Variants in CACNA1C observed in about 807,000 individuals in gnomAD.
CACNA1C encodes calcium voltage-gated channel subunit alpha1 C.
Under a neutral mutation model 229.0 loss-of-function variants are expected in CACNA1C, and 30 were observed. The observed-to-expected ratio is 0.13, with a 90% CI of 0.10 to 0.18. The LOEUF (loss-of-function observed/expected upper bound fraction) is 0.18, where lower values mean the gene tolerates loss of function less well. CACNA1C is among the 10% of genes least tolerant of loss of function. The pLI is 1.00. For synonymous variants in CACNA1C, 1,114 were observed against 1,132.5 expected (o/e 0.98, Z 0.33); for missense variants, 1,658 against 2,845.0 (o/e 0.58, Z 9.49).
At chr12:2,143,482 T>C (rs564612598) in intron 3 of CACNA1C, among the ~76,000 whole-genome samples, 1 of 151,244 alleles carries the variant, frequency 6.6e-6, no homozygotes, top group East Asian at 1.9e-4. Context: ...TTTATGTACC[T>C]TATCTATGTT....
chr12:2,592,391 C>T (rs913749068), intron 18 of CACNA1C, among the ~76,000 whole-genome samples: 3 of 152,198 alleles, frequency 2.0e-5, no homozygotes, highest in Non-Finnish European at 2.9e-5. Context: ...AAAATGCCCA[C>T]GGCTAGAAAG....
At chr12:2,082,276 G>A (rs1485848234) in intron 1 of CACNA1C, among the ~76,000 whole-genome samples, 8 of 152,100 alleles carry the variant, frequency 5.3e-5, no homozygotes, top group Non-Finnish European at 7.3e-5. Flanking sequence ...CTGAGTAGAC[G>A]AGTCAGACGC....
intron 29 of CACNA1C, chr12:2,614,648 T>G (rs2079551167): frequency 6.6e-6 from 1 of 152,240 alleles, no homozygotes; most frequent in Non-Finnish European, 1.5e-5. Context: ...TGCTGCACTT[T>G]TTATTTCACT....
intron 28 of CACNA1C, among the ~76,000 whole-genome samples, chr12:2,611,569 G>C (rs2077817970): frequency 6.6e-6 from 1 of 152,132 alleles, no homozygotes; most frequent in South Asian, 2.1e-4. Flanking sequence ...TGTCGGTAAG[G>C]TGTGGCGTGT....
At chr12:2,292,340 C>G (rs2093595849) in intron 3 of CACNA1C, among the ~76,000 whole-genome samples, 1 of 152,172 alleles carries the variant, frequency 6.6e-6, no homozygotes, top group Admixed American at 6.5e-5. Context: ...TTCTGACCTC[C>G]AAGGTGAAGG....
chr12:2,533,991 G>A (rs182808717), intron 9 of CACNA1C, among the ~76,000 whole-genome samples: 29 of 152,330 alleles, frequency 1.9e-4, no homozygotes, highest in Non-Finnish European at 2.9e-4. Flanking sequence ...GGCACAAATA[G>A]TAAATGCCTC....
intron 3 of CACNA1C, among the ~76,000 whole-genome samples, chr12:2,192,022 ATACACG>A (rs2097250306): frequency 6.6e-6 from 1 of 150,502 alleles, no homozygotes. Context: ...GTTCACACAT[ATACACG>A]CACTCACACA....
Position 2,692,842 on chromosome 12 carries a change from G to A in CACNA1C, c.*1643G>A, listed in dbSNP as rs757960392. On this transcript the variant is annotated 3_prime_UTR_variant, in exon 47 of 47. Coordinates refer to ENST00000399655, the MANE Select transcript of CACNA1C (RefSeq NM_000719.7). The stretch of plus-strand genomic sequence containing the variant: ...AAACTGAATTGCAATTGTGCCAAGC[G>A]AATATAATGAATTGAATTAAGTTGG... 1.3e-5 allele frequency: 2 copies of A among 152,578 alleles called. No homozygotes were observed. Among genetic ancestry groups the A allele is most frequent in the Non-Finnish European group, 2.9e-5 (2 of 68,030 alleles). 9.5% of individuals were successfully genotyped at this position (152,578 alleles called of 1,614,324 possible).
intron 3 of CACNA1C, among the ~76,000 whole-genome samples, chr12:2,434,134 C>G (rs911808790): frequency 6.6e-6 from 1 of 152,182 alleles, no homozygotes; most frequent in Non-Finnish European, 1.5e-5. Context: ...CTCTGTTCCC[C>G]TCACTTCACA....
rs1247651249 is a variant in CACNA1C at position 2,135,687 on chromosome 12, G to C, written c.477+15257G>C. ...GTTCTCAGATCTCCAGCCGCGTGCT[G>C]GGAGAACCACTGCTCTCTTCAAAGC... On this transcript the variant is annotated intron_variant, in intron 3 of 46. Coordinates refer to ENST00000399655, the MANE Select transcript of CACNA1C (RefSeq NM_000719.7). 3.4e-5 allele frequency among the ~76,000 whole-genome samples: 5 copies of C among 145,154 alleles called. No individual in the cohort carries two copies. The East Asian group carries it at 7.9e-4, about 23-fold the overall frequency.
At chr12:2,685,663 G>C in intron 43 of CACNA1C, 73 bp from the exon 44 acceptor site, 1 of 1,104,116 alleles carries the variant, frequency 9.1e-7, no homozygotes, top group Non-Finnish European at 1.4e-6. Flanking sequence ...AGTGCTTTCC[G>C]GGGGTGCAGC....
At position 2,633,044 on chromosome 12, in the gene CACNA1C, C is replaced by G. The variant is rs184853167; in HGVS notation, c.3829-1253C>G. ...ATCTTGTTTTAACAATTTGGTCCTT[C>G]TTTTATTTTTGAGCTTTATATGAGT... On this transcript the variant is annotated intron_variant, in intron 29 of 46. Transcript: ENST00000399655. This position sits in a 1 kb window ranked among gnomAD's most constrained non-coding sequence, Gnocchi z 5.8. 6.6e-6 allele frequency among the ~76,000 whole-genome samples: 1 copy of G among 152,280 alleles called. No individual in the cohort carries two copies. The highest frequency in any genetic ancestry group is 1.9e-4 in the East Asian group (1 of 5,184).
chr12:2,373,682 G>A (rs11831870), intron 3 of CACNA1C, among the ~76,000 whole-genome samples: 1,631 of 152,214 alleles, frequency 0.011, 24 homozygotes, highest in African/African-American at 0.037. Context: ...TTTCAGAAGG[G>A]AAACAACAGA....
rs1323080933 is a variant in CACNA1C, at chr12:2,150,815, T to C, written c.477+30385T>C. On this transcript the variant is annotated intron_variant, in intron 3 of 46. Transcript: ENST00000399655. ...GAGAAACTGTCTCTACCGCTCTTATTTTCTCACTCTGATAACAATCTTTTC... is the reference window on the plus strand; with the variant it reads ...GAGAAACTGTCTCTACCGCTCTTATCTTCTCACTCTGATAACAATCTTTTC... 2.0e-5 allele frequency among the ~76,000 whole-genome samples: 3 copies of C among 152,220 alleles called. No homozygotes were observed. The East Asian group carries it at 5.8e-4, about 29-fold the overall frequency.
At position 2,319,670 on chromosome 12, in the gene CACNA1C, T is replaced by C. The variant is rs925328677; in HGVS notation, c.478-129306T>C. ...CAGACATTTCTTTTACTCTTTGGCT[T>C]GCTCTTGCTGTGTATTAAATTTGAT... On this transcript the variant is annotated intron_variant, in intron 3 of 46. Transcript: ENST00000399655. This position sits in a 1 kb window ranked among gnomAD's most constrained non-coding sequence, Gnocchi z 4.0. Among the ~76,000 whole-genome samples the C allele has an allele frequency of 4.5e-4, 68 of 152,156 alleles. No homozygotes were observed. Among genetic ancestry groups the C allele is most frequent in the Non-Finnish European group, 9.1e-4 (62 of 68,028 alleles).
chr12:2,412,585 T>C (rs920559404), intron 3 of CACNA1C, among the ~76,000 whole-genome samples: 13 of 152,262 alleles, frequency 8.5e-5, no homozygotes, highest in African/African-American at 2.9e-4. Flanking sequence ...AAGTTTGCCC[T>C]ATCTCTGTCA....
intron 27 of CACNA1C, among the ~76,000 whole-genome samples, chr12:2,609,421 C>T (rs574022011): frequency 6.6e-6 from 1 of 151,796 alleles, no homozygotes; most frequent in South Asian, 2.1e-4. Context: ...GTGACCCTCG[C>T]CAGGCCAGCC....
chr12:2,663,178 A>G (rs577498358), intron 34 of CACNA1C, among the ~76,000 whole-genome samples: 1 of 152,370 alleles, frequency 6.6e-6, no homozygotes, highest in South Asian at 2.1e-4. Flanking sequence ...TACACCGTAA[A>G]TAATACCAGA....
intron 46 of CACNA1C, 61 bp from the exon 47 acceptor site, chr12:2,690,838 AG>A (rs1315906583): frequency 1.4e-6 from 2 of 1,442,664 alleles, no homozygotes; most frequent in Non-Finnish European, 1.9e-6. Flanking sequence ...CCTCAAGGGA[AG>A]AGCTGGGCTC....
Sources: gnomAD v4.1 joint callset for allele counts (sites outside exome capture counted in the v4.1 genomes callset) on GRCh38, gnomAD v4.1.1 for gene constraint, Gnocchi (gnomAD v3.1) non-coding constraint, MANE v1.5 for transcripts, NCBI Gene and HGNC (gene_info 2026-07-23, HGNC 2026-07-21) for gene names.